The following SHISA9 variants were observed in gnomAD, a reference collection of about 807,000 sequenced individuals.
The protein encoded by SHISA9 is protein shisa-9.
A neutral mutation model predicts 38.0 loss-of-function variants in SHISA9; 13 were observed. That is an observed-to-expected ratio of 0.34 (90% CI 0.22 to 0.54). The LOEUF (loss-of-function observed/expected upper bound fraction) is 0.54, where lower values mean the gene tolerates loss of function less well. SHISA9 is among the 20% of genes least tolerant of loss of function. The probability of loss-of-function intolerance (pLI) is 0.91; values close to 1 mark genes in which losing one functional copy is unlikely to be tolerated. For synonymous variants in SHISA9, 275 were observed against 242.0 expected, an observed-to-expected ratio of 1.14 and a Z score of -1.27; for missense variants, 538 against 575.8, an observed-to-expected ratio of 0.93 and a Z score of 0.67.
chr16:13,095,796 A>T (rs2041080995), intron 2 of SHISA9, among the ~76,000 whole-genome samples: 1 of 152,260 alleles, frequency 6.6e-6, no homozygotes, highest in African/African-American at 2.4e-5. Context: ...TTTATACAGC[A>T]AGGCAATCAA....
intron 2 of SHISA9, among the ~76,000 whole-genome samples, chr16:13,098,905 T>C (rs2073852458): frequency 1.3e-5 from 2 of 152,212 alleles, no homozygotes; most frequent in Admixed American, 6.5e-5. Flanking sequence ...ATCTGCAAAA[T>C]GGGCTGGTTG....
intron 2 of SHISA9, among the ~76,000 whole-genome samples, chr16:13,190,046 G>A (rs2050867800): frequency 6.6e-6 from 1 of 151,556 alleles, no homozygotes; most frequent in South Asian, 2.1e-4. Flanking sequence ...TAAATTGGAT[G>A]AAGTGGCTGC....
At chr16:13,433,021 A>C in the SHISA9 span, among the ~76,000 whole-genome samples, 2 of 152,138 alleles carry the variant, frequency 1.3e-5, no homozygotes, top group African/African-American at 4.8e-5. Context: ...CCATGACACA[A>C]GTTTAGCTAA....
intron 2 of SHISA9, among the ~76,000 whole-genome samples, chr16:13,035,484 G>T (rs896848842): frequency 1.3e-5 from 2 of 152,040 alleles, no homozygotes; most frequent in Non-Finnish European, 2.9e-5. Context: ...ACTTTCTTGT[G>T]AATTGCATTA....
intron 2 of SHISA9, among the ~76,000 whole-genome samples, chr16:13,147,721 CA>C: frequency 6.6e-6 from 1 of 152,186 alleles, no homozygotes; most frequent in Non-Finnish European, 1.5e-5. Context: ...CTTGGCCTCC[CA>C]AAGTGTGGGA....
chr16:13,017,301 TG>T (rs894556563), intron 2 of SHISA9, among the ~76,000 whole-genome samples: 10 of 152,346 alleles, frequency 6.6e-5, no homozygotes, highest in African/African-American at 2.4e-4. Flanking sequence ...ATTACAGGTG[TG>T]AGCCACAGTG....
At chr16:13,456,992 CTG>C in the SHISA9 span, among the ~76,000 whole-genome samples, 1 of 152,236 alleles carries the variant, frequency 6.6e-6, no homozygotes. Flanking sequence ...TATTCTTTCT[CTG>C]TAATAAACTG....
intron 2 of SHISA9, among the ~76,000 whole-genome samples, chr16:13,110,939 G>A (rs1247836070): frequency 6.6e-6 from 1 of 152,196 alleles, no homozygotes; most frequent in Non-Finnish European, 1.5e-5. Flanking sequence ...TTTAACTGTA[G>A]CCCTTAAGAA....
intron 2 of SHISA9, among the ~76,000 whole-genome samples, chr16:12,953,654 A>C (rs1190471316): frequency 6.6e-6 from 1 of 152,184 alleles, no homozygotes; most frequent in African/African-American, 2.4e-5. Context: ...GCTTGCTGAG[A>C]AATATTAGAT....
At chr16:13,147,621 C>A (rs954896472) in intron 2 of SHISA9, among the ~76,000 whole-genome samples, 4 of 152,024 alleles carry the variant, frequency 2.6e-5, no homozygotes, top group African/African-American at 9.7e-5. Context: ...CAACACCACG[C>A]CTGGCTAATT....
At chr16:13,385,312 G>T in the SHISA9 span, among the ~76,000 whole-genome samples, 2 of 152,220 alleles carry the variant, frequency 1.3e-5, no homozygotes, top group Non-Finnish European at 2.9e-5. Context: ...CAGAGAAATT[G>T]AAATGGACAT....
the SHISA9 span, among the ~76,000 whole-genome samples, chr16:13,351,404 T>C: frequency 6.6e-6 from 1 of 152,152 alleles, no homozygotes; most frequent in Non-Finnish European, 1.5e-5. Context: ...GCAGAGGAGA[T>C]AGAAGACAAG....
At chr16:13,241,773 C>T (rs1384903037), downstream of SHISA9, among the ~76,000 whole-genome samples, 1 of 152,188 alleles carries the variant, frequency 6.6e-6, no homozygotes, top group African/African-American at 2.4e-5. Flanking sequence ...TCATTGGCCA[C>T]AGGGTCACTT....
At chr16:13,034,956 A>C (rs2073036027) in intron 2 of SHISA9, among the ~76,000 whole-genome samples, 1 of 152,220 alleles carries the variant, frequency 6.6e-6, no homozygotes, top group African/African-American at 2.4e-5. Flanking sequence ...ATCCTAGACT[A>C]AATAACCAAT....
intron 2 of SHISA9, among the ~76,000 whole-genome samples, chr16:13,149,115 C>G (rs1056282901): frequency 2.6e-5 from 4 of 152,132 alleles, no homozygotes; most frequent in African/African-American, 9.7e-5. Context: ...GTGCCCTCAG[C>G]CAGTGAGATG....
rs531515448 is a variant in SHISA9 at position 13,117,160 on chromosome 16, G to C, written c.692-86234G>C. 8.5e-5 allele frequency among the ~76,000 whole-genome samples: 13 copies of C among 152,168 alleles called. No individual in the cohort carries two copies. In the South Asian group the frequency reaches 2.7e-3, roughly 32 times the overall value. ...CCGGCTAATTTTTATATTTTTAGTG[G>C]AGACAGGGTTTCACCATGTTGGCCA... On this transcript the variant is annotated intron_variant, in intron 2 of 4. Transcript: ENST00000558583.
the SHISA9 span, among the ~76,000 whole-genome samples, chr16:13,381,597 G>A: frequency 9.9e-3 from 1,506 of 152,228 alleles, 13 homozygotes; most frequent in Middle Eastern, 0.034. Context: ...GGACGGGTTG[G>A]GGAGCAAAGT....
At chr16:13,440,006 C>G in the SHISA9 span, among the ~76,000 whole-genome samples, 6,508 of 152,232 alleles carry the variant, frequency 0.043, 261 homozygotes, top group Admixed American at 0.13. Context: ...CTCAGGCAGC[C>G]GCGCCTCAAG....
At chr16:13,102,913 G>A (rs1032757257) in intron 2 of SHISA9, among the ~76,000 whole-genome samples, 1 of 152,198 alleles carries the variant, frequency 6.6e-6, no homozygotes. Context: ...TCAGAAGGGA[G>A]ACAAGTTCAT....
Sources: allele counts gnomAD v4.1 joint callset (sites outside exome capture counted in the v4.1 genomes callset), GRCh38; gene constraint gnomAD v4.1.1; transcripts MANE v1.5; gene names NCBI Gene and HGNC (gene_info 2026-07-23, HGNC 2026-07-21).